The following PDE6A variants were observed in gnomAD, a reference collection of about 807,000 sequenced individuals.
The protein encoded by PDE6A is phosphodiesterase 6A.
PDE6A carries 84 observed loss-of-function variants against 106.3 expected under a neutral mutation model. The observed-to-expected ratio is 0.79, with a 90% confidence interval of 0.66 to 0.95. The LOEUF (loss-of-function observed/expected upper bound fraction) is 0.95, where lower values mean the gene tolerates loss of function less well. Ranked by LOEUF, PDE6A falls within the 40% of genes least tolerant of loss-of-function variation. The pLI is 0.00. For synonymous variants in PDE6A, 394 were observed against 386.6 expected (o/e 1.02, Z -0.23); for missense variants, 1,052 against 1,084.9 (o/e 0.97, Z 0.43).
rs1053460149 is a variant in PDE6A at position 149,860,855 on chromosome 5, G to A, written c.*40C>T. ...ACTGGCTTGAGTCATCTCTTCCCAG[G>A]AAAGGGTGGTGCCGTCCAGCCAGCA... On this transcript the variant is annotated 3_prime_UTR_variant, in exon 22 of 22. Coordinates refer to ENST00000255266, the MANE Select transcript of PDE6A (RefSeq NM_000440.3). 1.3e-6 allele frequency: 2 copies of A among 1,546,310 alleles called. No individual in the cohort carries two copies. The highest frequency in any genetic ancestry group is 2.7e-5 in the African/African-American group (2 of 73,618).
At chr5:149,936,827 A>G (rs1176875768) in intron 1 of PDE6A, among the ~76,000 whole-genome samples, 1 of 152,254 alleles carries the variant, frequency 6.6e-6, no homozygotes, top group Non-Finnish European at 1.5e-5. Flanking sequence ...TTTAAATCCT[A>G]GAATCAGAGG....
chr5:149,899,492 A>T lies in PDE6A; in HGVS notation c.1146T>A (p.Ile382=), dbSNP rs1404921189. The change falls in exon 9 of 22, where the codon ATT becomes ATA. Residue 382 remains isoleucine (I), a synonymous_variant. Transcript: ENST00000255266. The stretch of plus-strand genomic sequence containing the variant: ...CAATCGGCATTGAAAGCACATTTTT[A>T]ATCATCCATCCAGACTCATCCAGAG... ...KEPLDESGWM[I]KNVLSMPIVN... 1 of 1,614,164 alleles carries T rather than the reference A, an allele frequency of 6.2e-7. No individual in the cohort carries two copies. Among genetic ancestry groups the T allele is most frequent in the South Asian group, 1.1e-5 (1 of 91,082 alleles).
rs150181239 is a variant in PDE6A, at chr5:149,888,006, C to T, written c.1729-1632G>A. 2.6e-5 allele frequency among the ~76,000 whole-genome samples: 4 copies of T among 152,178 alleles called. No homozygotes were observed. In the East Asian group the frequency reaches 7.7e-4, roughly 29 times the overall value. On this transcript the variant is annotated intron_variant, in intron 13 of 21. Transcript: ENST00000255266. ...TGTGTGTGTCTTTCTTTAACCCTCG[C>T]CTTCCCTTCAAAACCTAACATGTGG...
intron 13 of PDE6A, 69 bp downstream of exon 13, chr5:149,895,114 G>A (rs1752687925): frequency 2.2e-6 from 2 of 892,552 alleles, no homozygotes; most frequent in Non-Finnish European, 3.8e-6. Context: ...TTGCTACCAT[G>A]TAGAGTCTGC....
chr5:149,934,415 T>G lies in PDE6A; in HGVS notation c.627+151A>C, dbSNP rs1754127770. ...CCAAAGCCCAATGTCTTAACTATTA[T>G]TTTATCCTGCCTCCCTCAGAGAACA... On this transcript the variant is annotated intron_variant, in intron 2 of 21. Transcript: ENST00000255266. 5.0e-6 allele frequency: 4 copies of G among 804,486 alleles called. No homozygotes were observed. The Admixed American group carries it at 7.4e-5, about 15-fold the overall frequency. 49.8% of individuals were successfully genotyped at this position (804,486 alleles called of 1,614,324 possible).
At chr5:149,928,386 CA>C (rs1453317275) in intron 4 of PDE6A, among the ~76,000 whole-genome samples, 1 of 150,476 alleles carries the variant, frequency 6.6e-6, no homozygotes, top group Non-Finnish European at 1.5e-5. Flanking sequence ...TACAGGCACC[CA>C]CCACCATGCC....
At chr5:149,866,586 G>C (rs1408342136) in intron 19 of PDE6A, 3 of 286,730 alleles carry the variant, frequency 1.0e-5, no homozygotes, top group Non-Finnish European at 2.0e-5. Context: ...GAGGCAGTAT[G>C]CTCCTTGATT....
At position 149,907,208 on chromosome 5, in the gene PDE6A, C is replaced by T. The variant is rs568966919; in HGVS notation, c.1065+104G>A. ...ACAAGAGAATTAGGCTTTTAGAGATCCACACTTGCCATCATCTTTTCCACT... is the reference window on the plus strand; with the variant it reads ...ACAAGAGAATTAGGCTTTTAGAGATTCACACTTGCCATCATCTTTTCCACT... On this transcript the variant is annotated intron_variant, in intron 7 of 21. Coordinates refer to ENST00000255266, the MANE Select transcript of PDE6A (RefSeq NM_000440.3). The T allele has an allele frequency of 5.6e-5, 51 of 906,562 alleles. No individual in the cohort carries two copies. In the African/African-American group the frequency reaches 7.2e-4, roughly 13 times the overall value. The allele number at this position is 906,562 out of a possible 1,614,324, so 56.2% of individuals were successfully genotyped here.
intron 16 of PDE6A, 132 bp downstream of exon 16, chr5:149,884,347 T>C (rs1463301112): frequency 3.0e-6 from 2 of 660,578 alleles, no homozygotes; most frequent in Admixed American, 4.6e-5. Context: ...TATATATGTG[T>C]GTATATATGT....
At chr5:149,877,431 A>G (rs1760781887) in intron 17 of PDE6A, among the ~76,000 whole-genome samples, 3 of 152,110 alleles carry the variant, frequency 2.0e-5, no homozygotes, top group Admixed American at 1.3e-4. Context: ...AAAAATTTAA[A>G]AAGAGTCTCA....
At chr5:149,925,001 C>T (rs151030638) in intron 4 of PDE6A, among the ~76,000 whole-genome samples, 19 of 152,284 alleles carry the variant, frequency 1.2e-4, no homozygotes, top group South Asian at 2.1e-4. Flanking sequence ...CCAGGCCTCA[C>T]GAAGACTGAA....
rs1249685655 is a variant in PDE6A, at chr5:149,886,335, A to T, written c.1768T>A (p.Leu590Met). ...LKRYFTDLEA[L>M]AMVTAAFCHD... The stretch of plus-strand genomic sequence containing the variant: ...CAGAAAGCAGCAGTGACCATGGCCA[A>T]GGCCTCTAGGTCCGTGAAGTAGCGC... Residue 590 changes from leucine to methionine, a missense_variant, in exon 14 of 22, where the codon TTG becomes ATG. Leu to Met is a conservative substitution (Grantham distance 15). This residue lies in a region of PDE6A where 913 missense variants were observed against 915.2 expected (regional missense o/e 1.00). Transcript: ENST00000255266. 1 of 1,614,224 alleles carries T rather than the reference A, an allele frequency of 6.2e-7. No homozygotes were observed. The highest frequency in any genetic ancestry group is 1.7e-4 in the Middle Eastern group (1 of 6,060).
intron 19 of PDE6A, 45 bp from the exon 20 acceptor site, chr5:149,866,298 A>C: frequency 7.6e-7 from 1 of 1,313,110 alleles, no homozygotes; most frequent in Non-Finnish European, 1.1e-6. Context: ...CAGTAAGAGA[A>C]ACCTACCCTA....
intron 9 of PDE6A, 87 bp from the exon 10 acceptor site, chr5:149,898,593 C>CT: frequency 7.2e-7 from 1 of 1,384,022 alleles, no homozygotes; most frequent in South Asian, 1.2e-5. Context: ...CTCTAGGCCT[C>CT]TGTTTTCTCA....
intron 5 of PDE6A, among the ~76,000 whole-genome samples, chr5:149,921,345 A>C (rs947259598): frequency 2.0e-5 from 3 of 147,654 alleles, no homozygotes; most frequent in African/African-American, 7.5e-5. Context: ...GCAGGAAGGC[A>C]GGAAGGAAGG....
intron 4 of PDE6A, among the ~76,000 whole-genome samples, chr5:149,928,232 T>TATATATATATA (rs1554091941): frequency 1.5e-3 from 17 of 11,332 alleles, no homozygotes; most frequent in South Asian, 3.5e-3. Flanking sequence ...TATATATATA[T>TATATATATATA]TTTTTTTTTT....
intron 17 of PDE6A, among the ~76,000 whole-genome samples, chr5:149,879,762 T>C (rs1760862588): frequency 6.6e-6 from 1 of 152,048 alleles, no homozygotes; most frequent in South Asian, 2.1e-4. Context: ...AACTCAACAT[T>C]TTTTATGGCT....
In PDE6A at chr5:149,944,500, G is replaced by T. The variant is rs776749815; in HGVS notation, c.174C>A (p.Ser58Arg). 24 of 1,614,070 alleles carry T rather than the reference G, an allele frequency of 1.5e-5. No individual in the cohort carries two copies. The South Asian group carries it at 2.5e-4, about 17-fold the overall frequency. The stretch of plus-strand genomic sequence containing the variant: ...CCCGCAGGAGATCAAAGATGATTTC[G>T]CTCTCCTCCATGCTGCTCGGGGAGT... ...NYHSPSSMEE[S>R]EIIFDLLRDF... The change falls in exon 1 of 22, where the codon AGC (serine) becomes AGA (arginine). Residue 58 changes from serine to arginine, a missense_variant. Physicochemically the swap from Ser to Arg is moderately radical, Grantham distance 110. Around this residue, in one of 3 missense-constraint regions of PDE6A, gnomAD observed 913 missense variants for 915.2 expected, o/e 1.00. Coordinates refer to ENST00000255266, the MANE Select transcript of PDE6A (RefSeq NM_000440.3).
At position 149,902,286 on chromosome 5, in the gene PDE6A, G is replaced by A. The variant is rs1463462027; in HGVS notation, c.1113+1362C>T. Among the ~76,000 whole-genome samples the A allele has an allele frequency of 1.1e-4, 17 of 151,920 alleles. 1 individual carries two copies. Among genetic ancestry groups the A allele is most frequent in the Admixed American group, 1.1e-3 (17 of 15,240 alleles). ...TCTCTACTGTCCAAACATAAGTTTT[G>A]GGGACATATTTCTTGATTCCTCCCA... On this transcript the variant is annotated intron_variant, in intron 8 of 21. Coordinates refer to ENST00000255266, the MANE Select transcript of PDE6A (RefSeq NM_000440.3).
Sources: allele counts gnomAD v4.1 joint callset (sites outside exome capture counted in the v4.1 genomes callset), GRCh38; gene constraint gnomAD v4.1.1; regional missense constraint gnomAD v4.1.1; transcripts MANE v1.5; gene names NCBI Gene and HGNC (gene_info 2026-07-23, HGNC 2026-07-21).